The following NCOR1 variants were observed in gnomAD, a reference collection of about 807,000 sequenced individuals.
NCOR1 encodes protein phosphatase 1, regulatory subunit 109.
Under a neutral mutation model 288.1 loss-of-function variants are expected in NCOR1, and 63 were observed. The ratio of observed to expected loss-of-function variants is 0.22; its 90% CI spans 0.18 to 0.27. NCOR1 has a LOEUF of 0.27. NCOR1 is among the 10% of genes least tolerant of loss of function. NCOR1 has a pLI of 1.00. For missense variants in NCOR1, 2,397 were observed against 3,019.2 expected, an observed-to-expected ratio of 0.79 and a Z score of 4.83; for synonymous variants, 1,007 against 1,065.9, an observed-to-expected ratio of 0.94 and a Z score of 1.08.
chr17:16,066,611 G>T (rs987673013), intron 32 of NCOR1, among the ~76,000 whole-genome samples: 2 of 152,152 alleles, frequency 1.3e-5, no homozygotes, highest in Non-Finnish European at 2.9e-5. Flanking sequence ...AGAAAAACAA[G>T]TAACATGTTT....
At chr17:16,106,443 A>C (rs1286090528) in intron 19 of NCOR1, among the ~76,000 whole-genome samples, 1 of 151,982 alleles carries the variant, frequency 6.6e-6, no homozygotes, top group Non-Finnish European at 1.5e-5. Context: ...AATACAAAAA[A>C]AAACCTTAAA....
chr17:16,142,957 G>A (rs926253730), intron 11 of NCOR1, among the ~76,000 whole-genome samples: 18 of 152,100 alleles, frequency 1.2e-4, no homozygotes, highest in African/African-American at 3.6e-4. Context: ...GTGAAATGGC[G>A]TTCTTGTTCA....
intron 1 of NCOR1, among the ~76,000 whole-genome samples, chr17:16,203,071 A>ACACTCT (rs900762304): frequency 1.9e-4 from 27 of 143,110 alleles, no homozygotes; most frequent in African/African-American, 6.6e-4. Context: ...ACACACACAC[A>ACACTCT]CTCTGAAGCT....
chr17:16,086,902 T>C (rs1329949926), intron 22 of NCOR1, among the ~76,000 whole-genome samples: 1 of 152,206 alleles, frequency 6.6e-6, no homozygotes, highest in Admixed American at 6.5e-5. Flanking sequence ...ATTTTGGGGA[T>C]GGGGAGATCT....
chr17:16,049,493 G>A (rs1291197782), intron 40 of NCOR1: 1 of 152,204 alleles, frequency 6.6e-6, no homozygotes, highest in African/African-American at 2.4e-5. Flanking sequence ...TTATGGCAGA[G>A]GGGTTCTCTG....
At chr17:16,100,021 A>G (rs1321049213) in intron 20 of NCOR1, among the ~76,000 whole-genome samples, 1 of 152,208 alleles carries the variant, frequency 6.6e-6, no homozygotes, top group Non-Finnish European at 1.5e-5. Flanking sequence ...TCTGAAAGAT[A>G]AACTTTGAAG....
chr17:16,122,947 G>T (rs777946947), intron 15 of NCOR1, among the ~76,000 whole-genome samples: 5 of 152,082 alleles, frequency 3.3e-5, no homozygotes, highest in African/African-American at 4.8e-5. Flanking sequence ...TTCATACGGG[G>T]ATTTCCCAAG....
intron 10 of NCOR1, among the ~76,000 whole-genome samples, chr17:16,145,892 T>C (rs528182289): frequency 1.3e-5 from 2 of 152,284 alleles, no homozygotes; most frequent in South Asian, 4.1e-4. Context: ...GAGATCAGAT[T>C]GTTACTGTGT....
intron 1 of NCOR1, among the ~76,000 whole-genome samples, chr17:16,202,110 G>A (rs1189302248): frequency 6.6e-6 from 1 of 151,764 alleles, no homozygotes; most frequent in Non-Finnish European, 1.5e-5. Context: ...TGTAATCCCA[G>A]CTACTTGGGA....
chr17:16,124,089 T>C (rs1036283940), intron 15 of NCOR1, among the ~76,000 whole-genome samples: 4 of 152,206 alleles, frequency 2.6e-5, no homozygotes, highest in African/African-American at 9.6e-5. Flanking sequence ...ATATATTCCC[T>C]TAGAGGTATC....
chr17:16,178,684 GTCTTT>G (rs1446071039), intron 3 of NCOR1, among the ~76,000 whole-genome samples: 2 of 152,038 alleles, frequency 1.3e-5, no homozygotes, highest in African/African-American at 2.4e-5. Flanking sequence ...ATAGCTGTAT[GTCTTT>G]TCTTATTTAT....
intron 5 of NCOR1, among the ~76,000 whole-genome samples, chr17:16,159,410 T>C (rs190979447): frequency 0.014 from 902 of 66,552 alleles, 13 homozygotes; most frequent in African/African-American, 0.057. Context: ...CAAAACTCTA[T>C]CTCAAAAAAA....
intron 15 of NCOR1, 138 bp from the exon 16 acceptor site, chr17:16,121,407 C>T (rs1469081253): frequency 1.5e-6 from 1 of 671,362 alleles, no homozygotes; most frequent in Admixed American, 3.7e-5. Flanking sequence ...AAATTATCAA[C>T]AATTCTGCCA....
intron 22 of NCOR1, chr17:16,087,217 C>T (rs1004592822): frequency 5.4e-5 from 70 of 1,304,192 alleles, no homozygotes; most frequent in Middle Eastern, 4.3e-4. Context: ...GGCTGTGGAG[C>T]GGCTTTACTG....
chr17:16,091,240 G>A (rs1125156), intron 22 of NCOR1, among the ~76,000 whole-genome samples: 64,519 of 152,090 alleles, frequency 0.42, 15,474 homozygotes, highest in Middle Eastern at 0.55. Flanking sequence ...GTAATAACGT[G>A]CTACATTATA....
At position 16,032,229 on chromosome 17, in the gene NCOR1, A is replaced by G. The variant is rs1972143925; in HGVS notation, c.*67T>C. On this transcript the variant is annotated 3_prime_UTR_variant, in exon 46 of 46. Transcript: ENST00000268712. ...CAGGAGGGCAGGTTTTTGACCTGCT[A>G]CTAAAAATTAAACCACAAAAACTAG... The G allele has an allele frequency of 2.8e-6, 4 of 1,452,148 alleles. No individual in the cohort carries two copies. Among genetic ancestry groups the G allele is most frequent in the Middle Eastern group, 2.4e-4 (1 of 4,164 alleles). The allele number at this position is 1,452,148 out of a possible 1,614,324, so 90.0% of individuals were successfully genotyped here. A position where few individuals can be genotyped will look rare whatever the true frequency, so the allele number is the denominator to read the frequency against.
chr17:16,092,672 T>C (rs2065466130), intron 21 of NCOR1, among the ~76,000 whole-genome samples: 2 of 17,072 alleles, frequency 1.2e-4, no homozygotes, highest in South Asian at 6.1e-3. Context: ...TATATATATA[T>C]ATATATATAT....
chr17:16,202,241 A>T (rs2090925303), intron 1 of NCOR1, among the ~76,000 whole-genome samples: 1 of 150,650 alleles, frequency 6.6e-6, no homozygotes, highest in South Asian at 2.1e-4. Flanking sequence ...AAAAAAAAAA[A>T]ATACAAAAAA....
At chr17:16,143,878 A>C (rs909043692) in intron 10 of NCOR1, among the ~76,000 whole-genome samples, 182 bp from the exon 11 acceptor site, 20 of 152,182 alleles carry the variant, frequency 1.3e-4, no homozygotes, top group African/African-American at 4.8e-4. Context: ...ATAACAATTT[A>C]AATGTTACGA....
Sources: gnomAD v4.1 joint callset for allele counts (sites outside exome capture counted in the v4.1 genomes callset) on GRCh38, gnomAD v4.1.1 for gene constraint, MANE v1.5 for transcripts, NCBI Gene and HGNC (gene_info 2026-07-23, HGNC 2026-07-21) for gene names.